The following NIPBL variants were observed in gnomAD, a reference collection of about 807,000 sequenced individuals.
NIPBL encodes the protein NIPBL cohesin loading factor.
Under a neutral mutation model 321.8 loss-of-function variants are expected in NIPBL, and 19 were observed. That is an observed-to-expected ratio of 0.06 (90% CI 0.04 to 0.09). The LOEUF (loss-of-function observed/expected upper bound fraction) is 0.09. Among genes scored for constraint, NIPBL ranks in the 10% least tolerant of loss-of-function variants. The probability of loss-of-function intolerance (pLI) is 1.00; values close to 1 mark genes in which losing one functional copy is unlikely to be tolerated. For missense variants in NIPBL, 2,210 were observed against 3,327.0 expected, an observed-to-expected ratio of 0.66 and a Z score of 8.26; for synonymous variants, 1,106 against 1,114.1, an observed-to-expected ratio of 0.99 and a Z score of 0.14.
chr5:36,924,795 C>T (rs1320630797), intron 1 of NIPBL, among the ~76,000 whole-genome samples: 1 of 152,140 alleles, frequency 6.6e-6, no homozygotes, highest in African/African-American at 2.4e-5. Context: ...TCTCACATTC[C>T]CTTTTAAGAT....
chr5:36,896,099 T>A (rs1746712513), intron 1 of NIPBL, among the ~76,000 whole-genome samples: 1 of 152,238 alleles, frequency 6.6e-6, no homozygotes, highest in Non-Finnish European at 1.5e-5. Flanking sequence ...TTTGAGTTAA[T>A]CTTTTTCATA....
intron 8 of NIPBL, among the ~76,000 whole-genome samples, chr5:36,973,874 C>T (rs1355505638): frequency 1.3e-5 from 2 of 152,120 alleles, no homozygotes; most frequent in African/African-American, 4.8e-5. Context: ...TATTCCCCTC[C>T]CTGGGTCCAT....
chr5:37,058,990 C>T lies in NIPBL; in HGVS notation c.7510C>T (p.Arg2504Trp), dbSNP rs763980419. 6.2e-6 allele frequency: 10 copies of T among 1,614,158 alleles called. No homozygotes were observed. Among genetic ancestry groups the T allele is most frequent in the South Asian group, 5.5e-5 (5 of 91,082 alleles). ...AGAAGTTTCCAGGCCTCGGAAGTCA[C>T]GGAAACGTGTAGATTCAGATTCAGA... ...EEEVSRPRKSRKRVDSDSDSD... is the reference protein window; with the variant it reads ...EEEVSRPRKSWKRVDSDSDSD... The change falls in exon 44 of 47, where the codon CGG (arginine) becomes TGG (tryptophan). Residue 2504 changes from arginine to tryptophan, a missense_variant. This residue lies in a region of NIPBL where 79 missense variants were observed against 90.8 expected (regional missense o/e 0.87). Transcript: ENST00000282516.
chr5:36,955,102 C>G (rs1321684843), intron 2 of NIPBL: 1 of 224,480 alleles, frequency 4.5e-6, no homozygotes, highest in Non-Finnish European at 8.9e-6. Flanking sequence ...TTTGTATGAG[C>G]GTACTATTGA....
chr5:36,971,566 G>A (rs895173756), intron 7 of NIPBL, among the ~76,000 whole-genome samples: 2 of 151,764 alleles, frequency 1.3e-5, no homozygotes, highest in Non-Finnish European at 2.9e-5. Context: ...AATTTGCCTT[G>A]TTATTGATTT....
intron 9 of NIPBL, among the ~76,000 whole-genome samples, chr5:36,982,599 T>C (rs986981960): frequency 6.6e-6 from 1 of 151,896 alleles, no homozygotes; most frequent in Non-Finnish European, 1.5e-5. Context: ...TTTCATACAT[T>C]TTTTATTATA....
At position 36,985,981 on chromosome 5, in the gene NIPBL, A is replaced by C. The variant is rs1169713942; in HGVS notation, c.2801A>C (p.His934Pro). 1.9e-6 allele frequency: 3 copies of C among 1,613,844 alleles called. No homozygotes were observed. The highest frequency in any genetic ancestry group is 2.5e-6 in the Non-Finnish European group (3 of 1,179,944). Residue 934 changes from histidine (H) to proline (P), a missense_variant, in exon 10 of 47, where the codon CAC becomes CCC. Transcript: ENST00000282516. ...AGTAAAGTAGACACTAATAAAGCAC[A>C]CCCTGACAATAAGGCAGAATTTCCA... is the stretch of plus-strand genomic sequence containing the variant. ...NKSKVDTNKA[H>P]PDNKAEFPSY...
intron 6 of NIPBL, 25 bp downstream of exon 6, chr5:36,962,299 C>G (rs375526209): frequency 3.1e-6 from 5 of 1,613,116 alleles, no homozygotes; most frequent in Non-Finnish European, 4.2e-6. Context: ...TGTAACTTCA[C>G]TGGGAATGTC....
chr5:37,027,864 G>A (rs369000516), intron 32 of NIPBL, among the ~76,000 whole-genome samples: 73 of 151,664 alleles, frequency 4.8e-4, no homozygotes, highest in Non-Finnish European at 8.5e-4. Flanking sequence ...GGTGACCTGC[G>A]TGCCTCGGCC....
At position 36,991,934 on chromosome 5, in the gene NIPBL, G is replaced by T. The variant is rs1040488644; in HGVS notation, c.3122-3688G>T. 1.5e-4 allele frequency among the ~76,000 whole-genome samples: 23 copies of T among 152,074 alleles called. No individual in the cohort carries two copies. The East Asian group carries it at 4.3e-3, about 28-fold the overall frequency. On this transcript the variant is annotated intron_variant, in intron 10 of 46. Transcript: ENST00000282516. ...TTTTAAAAAGAAAACAGAACACATT[G>T]TTAGTTATCAAATCAATGATTCTTT...
At position 36,962,030 on chromosome 5, in the gene NIPBL, A is replaced by G. The variant is rs1359453072; in HGVS notation, c.459-93A>G. The G allele has an allele frequency of 2.9e-6, 4 of 1,370,164 alleles. No individual in the cohort carries two copies. In the African/African-American group the frequency reaches 4.3e-5, roughly 15 times the overall value. 84.9% of individuals were successfully genotyped at this position (1,370,164 alleles called of 1,614,324 possible). A position where few individuals can be genotyped will look rare whatever the true frequency, so the allele number is the denominator to read the frequency against. Reference sequence around the variant, plus strand: ...TGCATAGATTTTACATATATAAACTAAGAGATCAGAGGACTTTGTGACAGT... The same window carrying G: ...TGCATAGATTTTACATATATAAACTGAGAGATCAGAGGACTTTGTGACAGT... On this transcript the variant is annotated intron_variant, in intron 5 of 46. Coordinates refer to ENST00000282516, the MANE Select transcript of NIPBL (RefSeq NM_133433.4).
Position 37,060,982 on chromosome 5 carries a change from A to G in NIPBL, c.7824A>G (p.Glu2608=). Residue 2608 remains glutamate (E), a synonymous_variant, in exon 45 of 47, where the codon GAA becomes GAG. Transcript: ENST00000282516. ...ACATGGCTAATTCCAAAATCACAGAAGAGGTGAAAAGGAGTATAGTAAAAC... is the reference window on the plus strand; with the variant it reads ...ACATGGCTAATTCCAAAATCACAGAGGAGGTGAAAAGGAGTATAGTAAAAC... ...RSDMANSKIT[E]EVKRSIVKQY... is the part of the protein sequence containing the mutation. 6.2e-7 allele frequency: 1 copy of G among 1,614,158 alleles called. No individual in the cohort carries two copies. The highest frequency in any genetic ancestry group is 8.5e-7 in the Non-Finnish European group (1 of 1,180,008).
chr5:37,033,602 T>C (rs1206467139), intron 32 of NIPBL, among the ~76,000 whole-genome samples: 1 of 148,744 alleles, frequency 6.7e-6, no homozygotes, highest in East Asian at 2.0e-4. Flanking sequence ...ATCAACTCCA[T>C]ATAGATTAAA....
At chr5:36,918,000 A>G (rs1380655916) in intron 1 of NIPBL, among the ~76,000 whole-genome samples, 5 of 152,168 alleles carry the variant, frequency 3.3e-5, no homozygotes, top group African/African-American at 1.2e-4. Flanking sequence ...TTGTCTTGGC[A>G]ATGTGGGCTC....
At position 37,066,107 on chromosome 5, in the gene NIPBL, G is replaced by C. The variant is rs1482966198; in HGVS notation, c.*1215G>C. On this transcript the variant is annotated 3_prime_UTR_variant, in exon 47 of 47. Coordinates refer to ENST00000282516, the MANE Select transcript of NIPBL (RefSeq NM_133433.4). ...GCTTTTATCATAAGTCTTGGGAACA[G>C]TTGTCATTTACACATTACTTACTGC... The C allele has an allele frequency of 6.6e-6, 1 of 152,116 alleles. No homozygotes were observed. The highest frequency in any genetic ancestry group is 1.5e-5 in the Non-Finnish European group (1 of 67,984). The allele number at this position is 152,116 out of a possible 1,614,324, so 9.4% of individuals were successfully genotyped here.
At chr5:36,893,509 T>C (rs1243256551) in intron 1 of NIPBL, among the ~76,000 whole-genome samples, 3 of 152,258 alleles carry the variant, frequency 2.0e-5, no homozygotes, top group African/African-American at 4.8e-5. Flanking sequence ...TTTCAAACTT[T>C]AATCCTTTTT....
intron 40 of NIPBL, among the ~76,000 whole-genome samples, chr5:37,050,479 CA>C (rs370627067): frequency 3.1e-3 from 256 of 82,198 alleles, no homozygotes; most frequent in Middle Eastern, 6.7e-3. Flanking sequence ...GACTCCATCT[CA>C]AAAAAAAAAA....
intron 1 of NIPBL, among the ~76,000 whole-genome samples, chr5:36,932,778 G>GTT (rs35264312): frequency 0.019 from 1,329 of 69,776 alleles, 61 homozygotes; most frequent in African/African-American, 0.054. Context: ...TTCCTCTGCT[G>GTT]TTTTTTTTTT....
At chr5:36,892,635 G>A (rs1237872346) in intron 1 of NIPBL, among the ~76,000 whole-genome samples, 2 of 152,188 alleles carry the variant, frequency 1.3e-5, no homozygotes, top group Non-Finnish European at 2.9e-5. Context: ...CATGTCCTTT[G>A]TAGGGACGTG....
Sources: allele counts gnomAD v4.1 joint callset (sites outside exome capture counted in the v4.1 genomes callset), GRCh38; gene constraint gnomAD v4.1.1; regional missense constraint gnomAD v4.1.1; transcripts MANE v1.5; gene names NCBI Gene and HGNC (gene_info 2026-07-23, HGNC 2026-07-21).